SAMD3: variants seen among roughly 807,000 people sequenced by gnomAD.
SAMD3 encodes the protein sterile alpha motif domain containing 3.
SAMD3 carries 63 observed loss-of-function variants against 58.5 expected under a neutral mutation model. The ratio of observed to expected loss-of-function variants is 1.08; its 90% CI spans 0.88 to 1.33. The LOEUF (loss-of-function observed/expected upper bound fraction) is 1.33. Among genes scored for constraint, SAMD3 ranks in the 40% most tolerant of loss-of-function variants. SAMD3 has a pLI of 0.00. For missense variants in SAMD3, 604 were observed against 608.4 expected, an observed-to-expected ratio of 0.99 and a Z score of 0.08; for synonymous variants, 220 against 210.3, an observed-to-expected ratio of 1.05 and a Z score of -0.40.
intron 8 of SAMD3, among the ~76,000 whole-genome samples, chr6:130,165,633 GA>G (rs1454591247): frequency 7.2e-5 from 11 of 151,916 alleles, no homozygotes. Context: ...AATTTTTTCA[GA>G]AAATTTCTAA....
At chr6:130,325,515 T>C (rs1171524733) in intron 1 of SAMD3, among the ~76,000 whole-genome samples, 2 of 152,276 alleles carry the variant, frequency 1.3e-5, no homozygotes, top group East Asian at 3.9e-4. Context: ...CTTGACTCAG[T>C]CTACTAATTC....
At chr6:130,249,332 T>G (rs1277946786) in intron 2 of SAMD3, among the ~76,000 whole-genome samples, 1 of 152,166 alleles carries the variant, frequency 6.6e-6, no homozygotes, top group Non-Finnish European at 1.5e-5. Context: ...AATTTTGTTT[T>G]TATTTTTTTT....
chr6:130,327,988 T>C (rs773475582), intron 1 of SAMD3, among the ~76,000 whole-genome samples: 43 of 152,304 alleles, frequency 2.8e-4, no homozygotes, highest in Non-Finnish European at 4.6e-4. Flanking sequence ...TATTAAAATA[T>C]GGACCAGCCA....
intron 1 of SAMD3, among the ~76,000 whole-genome samples, chr6:130,346,425 T>C (rs899426550): frequency 6.6e-6 from 1 of 152,206 alleles, no homozygotes; most frequent in African/African-American, 2.4e-5. Context: ...GGAGATTATA[T>C]CCTGTGCCTG....
At chr6:130,225,302 C>T (rs1796357999), upstream of SAMD3, among the ~76,000 whole-genome samples, 1 of 152,170 alleles carries the variant, frequency 6.6e-6, no homozygotes, top group South Asian at 2.1e-4. Flanking sequence ...TCAAATCCAT[C>T]TTCCTGATCA....
intron 2 of SAMD3, among the ~76,000 whole-genome samples, chr6:130,302,901 A>G (rs1332664220): frequency 1.3e-5 from 2 of 152,214 alleles, no homozygotes; most frequent in African/African-American, 4.8e-5. Flanking sequence ...GATGGAAACA[A>G]TAGATACCAG....
At chr6:130,239,855 A>G (rs898996386) in intron 2 of SAMD3, among the ~76,000 whole-genome samples, 4 of 152,130 alleles carry the variant, frequency 2.6e-5, no homozygotes, top group African/African-American at 9.7e-5. Flanking sequence ...CACCTGACAC[A>G]CTCACTGTGG....
intron 1 of SAMD3, among the ~76,000 whole-genome samples, chr6:130,334,062 T>C (rs1777026914): frequency 6.6e-6 from 1 of 152,206 alleles, no homozygotes; most frequent in Non-Finnish European, 1.5e-5. Flanking sequence ...AGGCACTGCT[T>C]TCTCCTTCCT....
At chr6:130,332,802 G>T (rs1464458587) in intron 1 of SAMD3, among the ~76,000 whole-genome samples, 1 of 152,180 alleles carries the variant, frequency 6.6e-6, no homozygotes, top group African/African-American at 2.4e-5. Context: ...GCTGTTTGTG[G>T]TTGTTTTATT....
intron 2 of SAMD3, among the ~76,000 whole-genome samples, chr6:130,308,805 T>A (rs1346492338): frequency 6.6e-6 from 1 of 152,106 alleles, no homozygotes; most frequent in African/African-American, 2.4e-5. Context: ...GGAATGAGAG[T>A]TATAAATCTA....
intron 9 of SAMD3, among the ~76,000 whole-genome samples, chr6:130,150,451 G>GATCTA (rs1173890890): frequency 1.3e-5 from 2 of 152,162 alleles, no homozygotes; most frequent in East Asian, 3.9e-4. Context: ...ATCCACTAGT[G>GATCTA]GGGAGTCTGG....
At position 130,147,669 on chromosome 6, in the gene SAMD3, C is replaced by G. The variant is rs113504278; in HGVS notation, c.1024-1488G>C. Among the ~76,000 whole-genome samples, 315 of 152,222 alleles carry G rather than the reference C, an allele frequency of 2.1e-3. 1 individual carries two copies. Among genetic ancestry groups the G allele is most frequent in the African/African-American group, 7.4e-3 (307 of 41,530 alleles). On this transcript the variant is annotated intron_variant, in intron 9 of 11. Transcript: ENST00000439090. ...GTGTATTTCCTAAGTACAAGAGCAC[C>G]CAAATTCAGGAAAATCTACTACACA...
chr6:130,180,184 A>G (rs181098341), intron 7 of SAMD3, among the ~76,000 whole-genome samples: 21 of 151,322 alleles, frequency 1.4e-4, no homozygotes, highest in Admixed American at 3.9e-4. Flanking sequence ...GCAGTAGTGC[A>G]ATCATAGCTC....
intron 7 of SAMD3, among the ~76,000 whole-genome samples, chr6:130,182,121 C>T (rs908196755): frequency 1.3e-5 from 2 of 150,360 alleles, no homozygotes; most frequent in African/African-American, 4.9e-5. Flanking sequence ...ACTGATTAGA[C>T]ATTAAGTTGG....
intron 2 of SAMD3, among the ~76,000 whole-genome samples, chr6:130,267,027 CTCAGACGAGGAATGCTATCTA>C (rs1221820742): frequency 6.6e-6 from 1 of 152,166 alleles, no homozygotes; most frequent in African/African-American, 2.4e-5. Context: ...CGGTGAGAAA[CTCAGACGAGGAATGCTATCTA>C]TCAAAATAGA....
chr6:130,346,427 C>A (rs1232806914), intron 1 of SAMD3, among the ~76,000 whole-genome samples: 4 of 152,240 alleles, frequency 2.6e-5, no homozygotes, highest in Non-Finnish European at 5.9e-5. Flanking sequence ...AGATTATATC[C>A]TGTGCCTGGC....
intron 2 of SAMD3, among the ~76,000 whole-genome samples, chr6:130,294,122 G>A (rs1022495113): frequency 9.2e-5 from 14 of 152,150 alleles, no homozygotes; most frequent in Non-Finnish European, 1.9e-4. Context: ...GAGCTAGTAA[G>A]CAAGAATACA....
intron 2 of SAMD3, among the ~76,000 whole-genome samples, chr6:130,261,629 T>C (rs1385282949): frequency 6.6e-6 from 1 of 152,132 alleles, no homozygotes; most frequent in Non-Finnish European, 1.5e-5. Context: ...CGAAGAAGCA[T>C]GGGTCAGGCA....
chr6:130,333,235 A>G (rs1776995861), intron 1 of SAMD3, among the ~76,000 whole-genome samples: 2 of 152,170 alleles, frequency 1.3e-5, no homozygotes, highest in African/African-American at 2.4e-5. Flanking sequence ...ATATTTTACT[A>G]TAATATTTGA....
Sources: allele counts gnomAD v4.1 joint callset (sites outside exome capture counted in the v4.1 genomes callset), GRCh38; gene constraint gnomAD v4.1.1; transcripts MANE v1.5; gene names NCBI Gene and HGNC (gene_info 2026-07-23, HGNC 2026-07-21).